The following CDH13 variants were observed in gnomAD, a reference collection of about 807,000 sequenced individuals.
The protein encoded by CDH13 is cadherin 13.
In CDH13, 24 loss-of-function variants were observed where a neutral mutation model predicts 63.8. The observed-to-expected ratio is 0.38, with a 90% CI of 0.27 to 0.53. The LOEUF is 0.53. CDH13 is among the 20% of genes least tolerant of loss of function. The probability of loss-of-function intolerance (pLI) is 0.85; values close to 1 mark genes in which losing one functional copy is unlikely to be tolerated. For synonymous variants in CDH13, 503 were observed against 355.3 expected, an observed-to-expected ratio of 1.42 and a Z score of -4.67; for missense variants, 1,049 against 903.1, an observed-to-expected ratio of 1.16 and a Z score of -2.07.
At chr16:83,064,937 A>G (rs1281042054) in intron 3 of CDH13, among the ~76,000 whole-genome samples, 2 of 152,108 alleles carry the variant, frequency 1.3e-5, no homozygotes, top group African/African-American at 2.4e-5. Context: ...ATGCTGTGCA[A>G]TAGTCTCAAA....
chr16:83,596,815 T>A (rs955324380), intron 7 of CDH13, among the ~76,000 whole-genome samples: 15 of 152,238 alleles, frequency 9.9e-5, no homozygotes, highest in Non-Finnish European at 1.5e-4. Flanking sequence ...ACTTTCATTA[T>A]CGGTTTTGGG....
chr16:83,685,369 T>A (rs1017459544), intron 10 of CDH13, among the ~76,000 whole-genome samples: 1 of 152,090 alleles, frequency 6.6e-6, no homozygotes, highest in Non-Finnish European at 1.5e-5. Flanking sequence ...CAGGGTACAT[T>A]TTAAAAGGGA....
intron 5 of CDH13, among the ~76,000 whole-genome samples, chr16:83,324,351 G>C (rs957175820): frequency 1.3e-5 from 2 of 152,116 alleles, no homozygotes; most frequent in Non-Finnish European, 1.5e-5. Flanking sequence ...GTCAGTTTTA[G>C]AACATTGTCT....
chr16:83,428,400 G>C lies in CDH13; in HGVS notation c.782-58077G>C, dbSNP rs566272428. On this transcript the variant is annotated intron_variant, in intron 6 of 13. Coordinates refer to ENST00000567109, the MANE Select transcript of CDH13 (RefSeq NM_001257.5). ...TTTTTTTTAACTCCAATATTTTCCT[G>C]AGTTGATTTTAGCTTTGTTTGTTTT... is the stretch of plus-strand genomic sequence containing the variant. 2.6e-5 allele frequency among the ~76,000 whole-genome samples: 4 copies of C among 151,762 alleles called. No individual in the cohort carries two copies. In the South Asian group the frequency reaches 6.2e-4, roughly 24 times the overall value.
At chr16:83,748,336 G>T in intron 11 of CDH13, 86 bp downstream of exon 11, 5 of 1,263,738 alleles carry the variant, frequency 4.0e-6, no homozygotes, top group African/African-American at 3.0e-5. Flanking sequence ...GATACACCCA[G>T]GGGTGTTCTT....
At chr16:83,665,098 C>G (rs1305989959) in intron 8 of CDH13, among the ~76,000 whole-genome samples, 4 of 152,042 alleles carry the variant, frequency 2.6e-5, no homozygotes, top group African/African-American at 4.8e-5. Context: ...ATAGGATTGA[C>G]ATCATTTGCC....
At chr16:83,322,038 A>C (rs1205372877) in intron 5 of CDH13, among the ~76,000 whole-genome samples, 1 of 152,224 alleles carries the variant, frequency 6.6e-6, no homozygotes, top group Non-Finnish European at 1.5e-5. Flanking sequence ...CAGGGACTTC[A>C]GCAGGGCTGG....
At chr16:83,763,165 A>G (rs1914112424) in intron 11 of CDH13, among the ~76,000 whole-genome samples, 1 of 152,200 alleles carries the variant, frequency 6.6e-6, no homozygotes, top group Non-Finnish European at 1.5e-5. Flanking sequence ...TTAGCAACTT[A>G]TATAAAGTAT....
At chr16:83,379,854 C>T (rs1480970643) in intron 6 of CDH13, among the ~76,000 whole-genome samples, 1 of 148,998 alleles carries the variant, frequency 6.7e-6, no homozygotes, top group African/African-American at 2.5e-5. Flanking sequence ...AAATATATAA[C>T]CCAATAATTT....
chr16:82,718,918 A>C (rs1413381952), intron 1 of CDH13, among the ~76,000 whole-genome samples: 1 of 152,188 alleles, frequency 6.6e-6, no homozygotes, highest in Non-Finnish European at 1.5e-5. Flanking sequence ...TTGAGATGGA[A>C]CAGCATCTCA....
At chr16:83,127,651 C>G (rs780197841) in intron 4 of CDH13, among the ~76,000 whole-genome samples, 2 of 152,128 alleles carry the variant, frequency 1.3e-5, no homozygotes, top group African/African-American at 4.8e-5. Context: ...CACTTGAACC[C>G]AGGAGGTGGA....
At chr16:82,739,584 T>A (rs910804753) in intron 1 of CDH13, among the ~76,000 whole-genome samples, 2 of 152,196 alleles carry the variant, frequency 1.3e-5, no homozygotes, top group Admixed American at 1.3e-4. Flanking sequence ...TTTTAAAAAG[T>A]GTTAAGGGAA....
At chr16:83,378,892 A>C (rs183378358) in intron 6 of CDH13, among the ~76,000 whole-genome samples, 64 of 152,222 alleles carry the variant, frequency 4.2e-4, no homozygotes, top group Non-Finnish European at 7.5e-4. Flanking sequence ...CCATTGTCTC[A>C]TGCTAAACTT....
chr16:82,954,177 A>C (rs1252528909), intron 2 of CDH13: 2 of 152,178 alleles, frequency 1.3e-5, no homozygotes, highest in East Asian at 3.9e-4. Context: ...GTCTGGGGAC[A>C]GTGTAGAACA....
intron 1 of CDH13, among the ~76,000 whole-genome samples, chr16:82,837,432 C>T (rs920764141): frequency 9.1e-6 from 1 of 110,432 alleles, no homozygotes; most frequent in African/African-American, 3.3e-5. Flanking sequence ...TCCTTGATCC[C>T]CAAGTCCTAG....
At chr16:83,278,501 G>A (rs573360160) in intron 5 of CDH13, among the ~76,000 whole-genome samples, 24 of 152,284 alleles carry the variant, frequency 1.6e-4, no homozygotes, top group African/African-American at 5.5e-4. Flanking sequence ...GAAGAATCCC[G>A]TTATAGTTGG....
At chr16:83,199,555 C>T (rs971763139) in intron 4 of CDH13, among the ~76,000 whole-genome samples, 1 of 152,232 alleles carries the variant, frequency 6.6e-6, no homozygotes, top group African/African-American at 2.4e-5. Flanking sequence ...GTAGCTTTAG[C>T]ACAGTACGTG....
chr16:83,568,374 T>C (rs542956319), intron 7 of CDH13, among the ~76,000 whole-genome samples: 13 of 152,272 alleles, frequency 8.5e-5, no homozygotes, highest in African/African-American at 2.9e-4. Context: ...TGGTCCTTCT[T>C]CTTGAGTCTT....
At chr16:83,484,153 C>T (rs1350842276) in intron 6 of CDH13, among the ~76,000 whole-genome samples, 1 of 152,170 alleles carries the variant, frequency 6.6e-6, no homozygotes, top group Non-Finnish European at 1.5e-5. Context: ...TCAATCAGGC[C>T]TAATGACTGA....
Sources: allele counts gnomAD v4.1 joint callset (sites outside exome capture counted in the v4.1 genomes callset), GRCh38; gene constraint gnomAD v4.1.1; transcripts MANE v1.5; gene names NCBI Gene and HGNC (gene_info 2026-07-23, HGNC 2026-07-21).